APLP1: variants seen among roughly 807,000 people sequenced by gnomAD.
APLP1 encodes the protein amyloid beta precursor like protein 1, also known as amyloid beta (A4) precursor-like protein 1.
Under a neutral mutation model 84.5 loss-of-function variants are expected in APLP1, and 46 were observed. The ratio of observed to expected loss-of-function variants is 0.54; its 90% CI spans 0.43 to 0.70. The LOEUF is 0.70. Among genes scored for constraint, APLP1 ranks in the 30% least tolerant of loss-of-function variants. APLP1 has a pLI of 0.00. For missense variants in APLP1, 826 were observed against 900.2 expected (o/e 0.92, Z 1.05); for synonymous variants, 376 against 364.0 (o/e 1.03, Z -0.38).
chr19:35,870,924 T>A lies in APLP1; in HGVS notation c.320T>A (p.Val107Glu), dbSNP rs1184658141. ...QMYPELQIAR[V>E]EQATQAIPME... ...TACCCGGAGCTGCAGATTGCACGTGTGGAGCAGGCTACGCAGGCCATCCCC... is the reference window on the plus strand; with the variant it reads ...TACCCGGAGCTGCAGATTGCACGTGAGGAGCAGGCTACGCAGGCCATCCCC... Residue 107 changes from valine (V) to glutamate (E), a missense_variant, in exon 3 of 17, where the codon GTG becomes GAG. This residue lies in a region of APLP1 where 383 missense variants were observed against 378.3 expected (regional missense o/e 1.01). Transcript: ENST00000221891. 6.2e-7 allele frequency: 1 copy of A among 1,603,798 alleles called. No homozygotes were observed. Among genetic ancestry groups the A allele is most frequent in the Non-Finnish European group, 8.5e-7 (1 of 1,176,220 alleles).
chr19:35,872,092 G>C, intron 6 of APLP1, 56 bp downstream of exon 6: 1 of 1,569,148 alleles, frequency 6.4e-7, no homozygotes, highest in South Asian at 1.2e-5. Context: ...GAAAGATCTG[G>C]GGGAGTCTTG....
chr19:35,872,047 C>T lies in APLP1; in HGVS notation c.850+11C>T, dbSNP rs376386528. 10 of 1,611,360 alleles carry T rather than the reference C, an allele frequency of 6.2e-6. No homozygotes were observed. The highest frequency in any genetic ancestry group is 8.5e-6 in the Non-Finnish European group (10 of 1,178,550). On this transcript the variant is annotated intron_variant, in intron 6 of 16. Transcript: ENST00000221891. ...CAGTGGTCGGCAAAGGTGAGGCAGT[C>T]TCTGAACCCCTGGGGCCTCTCCACC...
In APLP1 at chr19:35,874,524, G is replaced by C; in HGVS notation, c.1077G>C (p.Gln359His). 1.2e-6 allele frequency: 2 copies of C among 1,614,214 alleles called. No homozygotes were observed. The highest frequency in any genetic ancestry group is 2.2e-5 in the East Asian group (1 of 44,884). The change falls in exon 9 of 17, where the codon CAG becomes CAC. Residue 359 changes from glutamine (Q) to histidine (H), a missense_variant. Gln to His is a conservative substitution (Grantham distance 24). Transcript: ENST00000221891. This position sits in a 1 kb window ranked among gnomAD's most constrained non-coding sequence, Gnocchi z 6.4. ...ALNEHFQSIL[Q>H]TLEEQVSGER... Reference sequence around the variant, plus strand: ...CCCAGCACTTCCAGTCCATTCTGCAGACTCTGGAGGAGCAGGTGTCTGGTG... The same window carrying C: ...CCCAGCACTTCCAGTCCATTCTGCACACTCTGGAGGAGCAGGTGTCTGGTG...
chr19:35,870,076 G>T, intron 2 of APLP1: 1 of 517,388 alleles, frequency 1.9e-6, no homozygotes, highest in Non-Finnish European at 3.4e-6. Context: ...GTGGCGAAAG[G>T]ATAGGCGGGG....
chr19:35,869,875 T>G, intron 2 of APLP1, 65 bp downstream of exon 2: 1 of 1,533,152 alleles, frequency 6.5e-7, no homozygotes, highest in African/African-American at 1.4e-5. Context: ...AAAGGCGTGG[T>G]CCAGGGTGCT....
At chr19:35,878,758 G>A (rs1283947830) in intron 14 of APLP1, 104 bp downstream of exon 14, 1 of 1,537,950 alleles carries the variant, frequency 6.5e-7, no homozygotes, top group Non-Finnish European at 9.0e-7. Context: ...CTTGTCCTGA[G>A]GGAAGAGGGA....
chr19:35,871,055 C>G (rs1192768348), intron 3 of APLP1, 27 bp downstream of exon 3: 1 of 1,505,548 alleles, frequency 6.6e-7, no homozygotes, highest in East Asian at 2.4e-5. Context: ...GAGAGGGGAA[C>G]TGAGGTGGGA....
rs753136290 is a variant in APLP1 at position 35,871,732 on chromosome 19, G to A, written c.658G>A (p.Gly220Arg). 1 of 1,614,070 alleles carries A rather than the reference G, an allele frequency of 6.2e-7. No homozygotes were observed. Among genetic ancestry groups the A allele is most frequent in the Non-Finnish European group, 8.5e-7 (1 of 1,180,016 alleles). Residue 220 changes from glycine (G) to arginine (R), a missense_variant, in exon 5 of 17, where the codon GGG becomes AGG. Transcript: ENST00000221891. ...CPPPGTPDPS[G>R]TAVGDPSTRS... ...CCCTCCAGGGACCCCCGACCCATCT[G>A]GGACAGCAGTTGGGTGAGTGGGAGG... is the stretch of plus-strand genomic sequence containing the variant.
chr19:35,879,013 G>A, intron 15 of APLP1, 61 bp downstream of exon 15: 2 of 1,613,596 alleles, frequency 1.2e-6, no homozygotes, highest in Non-Finnish European at 1.7e-6. Context: ...GCCAGGCTGT[G>A]ATTCCCAAAG....
rs1365679289 is a variant in APLP1 at position 35,872,025 on chromosome 19, T to C, written c.839T>C (p.Val280Ala). 6.2e-7 allele frequency: 1 copy of C among 1,613,578 alleles called. No individual in the cohort carries two copies. The highest frequency in any genetic ancestry group is 1.7e-5 in the Admixed American group (1 of 59,980). The change falls in exon 6 of 17, where the codon GTG (valine) becomes GCG (alanine). Residue 280 changes from valine (V) to alanine (A), a missense_variant. Val to Ala is a moderately conservative substitution (Grantham distance 64). Around this residue, in one of 3 missense-constraint regions of APLP1, gnomAD observed 383 missense variants for 378.3 expected, o/e 1.01. Transcript: ENST00000221891. ...VPPPSSHTLA[V>A]VGKVTPTPRP... ...CCCCCAAGCTCCCATACACTTGCAG[T>C]GGTCGGCAAAGGTGAGGCAGTCTCT... is the stretch of plus-strand genomic sequence containing the variant.
At position 35,868,705 on chromosome 19, in the gene APLP1, G is replaced by A; in HGVS notation, c.69G>A (p.Leu23=). ...RRPGQPPLPL[L]LPLLLLLLRA... ...CGGGCCAGCCGCCGCTGCCGCTGCT[G>A]CTGCCACTATTGCTGCTGCTTCTGC... The change falls in exon 1 of 17, where the codon CTG becomes CTA. Residue 23 remains leucine, a synonymous_variant. Coordinates refer to ENST00000221891, the MANE Select transcript of APLP1 (RefSeq NM_001024807.3). This position sits in a 1 kb window ranked among gnomAD's most constrained non-coding sequence, Gnocchi z 5.2. The A allele has an allele frequency of 7.1e-7, 1 of 1,418,122 alleles. No individual in the cohort carries two copies. Among genetic ancestry groups the A allele is most frequent in the South Asian group, 1.5e-5 (1 of 68,892 alleles). The allele number at this position is 1,418,122 out of a possible 1,614,324, so 87.8% of individuals were successfully genotyped here. A position where few individuals can be genotyped will look rare whatever the true frequency, so the allele number is the denominator to read the frequency against.
rs1349822304 is a variant in APLP1, at chr19:35,872,544, C to A, written c.912C>A (p.Ile304=). The change falls in exon 7 of 17, where the codon ATC becomes ATA. Residue 304 remains isoleucine (I), a synonymous_variant. Transcript: ENST00000221891. The stretch of plus-strand genomic sequence containing the variant: ...TTTACTTTGGCATGCCTGGGGAAAT[C>A]AGTGAGCACGAGGGGTTCCTGAGGG... ...VDIYFGMPGE[I]SEHEGFLRAK... 1.2e-6 allele frequency: 2 copies of A among 1,613,910 alleles called. No individual in the cohort carries two copies. The highest frequency in any genetic ancestry group is 4.5e-5 in the East Asian group (2 of 44,860).
chr19:35,868,713 T>G lies in APLP1; in HGVS notation c.77T>G (p.Leu26Arg). The G allele has an allele frequency of 7.1e-7, 1 of 1,414,302 alleles. No homozygotes were observed. The highest frequency in any genetic ancestry group is 9.2e-7 in the Non-Finnish European group (1 of 1,088,852). The allele number at this position is 1,414,302 out of a possible 1,614,324, so 87.6% of individuals were successfully genotyped here. Residue 26 changes from leucine to arginine, a missense_variant, in exon 1 of 17, where the codon CTA becomes CGA. Leu to Arg is a moderately radical substitution (Grantham distance 102). Transcript: ENST00000221891. The surrounding 1 kb of genome is among the most constrained non-coding windows in gnomAD (Gnocchi z 5.2). ...GQPPLPLLLPLLLLLLRAQPA... is the reference protein window; with the variant it reads ...GQPPLPLLLPRLLLLLRAQPA... ...CCGCCGCTGCCGCTGCTGCTGCCAC[T>G]ATTGCTGCTGCTTCTGCGCGCGCAG...
intron 1 of APLP1, 98 bp from the exon 2 acceptor site, chr19:35,869,569 G>A (rs1045673529): frequency 1.3e-5 from 20 of 1,484,868 alleles, no homozygotes; most frequent in Non-Finnish European, 1.8e-5. Context: ...TGGGGGAGGG[G>A]GCTGGTGCTG....
Position 35,871,761 on chromosome 19 carries a change from C to G in APLP1, c.671+16C>G, listed in dbSNP as rs1350903632. 4 of 1,613,776 alleles carry G rather than the reference C, an allele frequency of 2.5e-6. No individual in the cohort carries two copies. The highest frequency in any genetic ancestry group is 3.4e-6 in the Non-Finnish European group (4 of 1,179,908). ...CAGCAGTTGGGTGAGTGGGAGGGAA[C>G]CCTCCATGCCCATCTCAAGGTTCCT... On this transcript the variant is annotated intron_variant, in intron 5 of 16. Transcript: ENST00000221891.
chr19:35,872,681 A>G lies in APLP1; in HGVS notation c.981+68A>G, dbSNP rs943058733. The G allele has an allele frequency of 2.0e-6, 3 of 1,532,814 alleles. No individual in the cohort carries two copies. In the African/African-American group the frequency reaches 4.2e-5, roughly 21 times the overall value. The allele number at this position is 1,532,814 out of a possible 1,614,324, so 95.0% of individuals were successfully genotyped here. On this transcript the variant is annotated intron_variant, in intron 7 of 16. Coordinates refer to ENST00000221891, the MANE Select transcript of APLP1 (RefSeq NM_001024807.3). The stretch of plus-strand genomic sequence containing the variant: ...TCCCTAAATACCAGGAAATTCCTCC[A>G]GGACACATTGATACTACCTCCAAAG...
chr19:35,876,408 A>G, intron 10 of APLP1, 109 bp from the exon 11 acceptor site: 1 of 909,658 alleles, frequency 1.1e-6, no homozygotes, highest in Non-Finnish European at 1.8e-6. Flanking sequence ...TGTCCATTGC[A>G]TGTGCCGCTT....
chr19:35,877,502 C>CA (rs79806779), intron 11 of APLP1, among the ~76,000 whole-genome samples: 147 of 117,342 alleles, frequency 1.3e-3, no homozygotes, highest in Admixed American at 3.9e-3. Context: ...AAAAAAAAAA[C>CA]AAAAAAAAAA....
At position 35,876,566 on chromosome 19, in the gene APLP1, G is replaced by A; in HGVS notation, c.1394G>A (p.Gly465Asp). 4 of 1,613,646 alleles carry A rather than the reference G, an allele frequency of 2.5e-6. No individual in the cohort carries two copies. Among genetic ancestry groups the A allele is most frequent in the Non-Finnish European group, 3.4e-6 (4 of 1,179,852 alleles). Residue 465 changes from glycine to aspartate, a missense_variant, in exon 11 of 17, where the codon GGC (glycine) becomes GAC (aspartate). Physicochemically the swap from Gly to Asp is moderately conservative, Grantham distance 94. Around this residue, in one of 3 missense-constraint regions of APLP1, gnomAD observed 433 missense variants for 496.5 expected, o/e 0.87. Coordinates refer to ENST00000221891, the MANE Select transcript of APLP1 (RefSeq NM_001024807.3). Reference sequence around the variant, plus strand: ...GAGGAGAGGGTGAATCAGAGCCTGGGCCTGCTTGACCAGAACCCCCACCTG... The same window carrying A: ...GAGGAGAGGGTGAATCAGAGCCTGGACCTGCTTGACCAGAACCCCCACCTG... ...VIEERVNQSL[G>D]LLDQNPHLAQ...
Sources: gnomAD v4.1 joint callset for allele counts (sites outside exome capture counted in the v4.1 genomes callset) on GRCh38, gnomAD v4.1.1 for gene constraint, gnomAD v4.1.1 regional missense constraint, Gnocchi (gnomAD v3.1) non-coding constraint, MANE v1.5 for transcripts, NCBI Gene and HGNC (gene_info 2026-07-23, HGNC 2026-07-21) for gene names.